TMEM108: variants seen among roughly 807,000 people sequenced by gnomAD.
TMEM108 encodes the protein transmembrane protein 108.
In TMEM108, 12 loss-of-function variants were observed where a neutral mutation model predicts 35.1. The observed-to-expected ratio is 0.34, with a 90% CI of 0.22 to 0.55. The LOEUF is 0.55. Among genes scored for constraint, TMEM108 ranks in the 20% least tolerant of loss-of-function variants. The pLI is 0.89. For missense variants in TMEM108, 680 were observed against 753.3 expected (o/e 0.90, Z 1.14); for synonymous variants, 287 against 308.6 (o/e 0.93, Z 0.73).
chr3:133,381,198 A>G, intron 4 of TMEM108, 37 bp downstream of exon 4: 2 of 1,539,804 alleles, frequency 1.3e-6, no homozygotes, highest in Non-Finnish European at 1.8e-6. Flanking sequence ...CTCTCCCTCT[A>G]CCACATCACT....
At chr3:133,245,212 C>T (rs1946368067) in intron 3 of TMEM108, among the ~76,000 whole-genome samples, 2 of 152,102 alleles carry the variant, frequency 1.3e-5, no homozygotes, top group Admixed American at 6.6e-5. Flanking sequence ...AGTGACTTAC[C>T]CAGGATCCAA....
chr3:133,177,883 G>A (rs1175784686), intron 2 of TMEM108, among the ~76,000 whole-genome samples: 5 of 152,136 alleles, frequency 3.3e-5, no homozygotes, highest in Admixed American at 3.3e-4. Context: ...GTCCCTGTTT[G>A]CAGATGACAT....
intron 3 of TMEM108, among the ~76,000 whole-genome samples, chr3:133,276,309 T>C (rs1576427536): frequency 6.6e-6 from 1 of 151,994 alleles, no homozygotes; most frequent in African/African-American, 2.4e-5. Flanking sequence ...GCCAAGGGAG[T>C]GTAAGGGAAG....
chr3:133,200,719 T>C (rs974102930), intron 2 of TMEM108, among the ~76,000 whole-genome samples: 1 of 152,212 alleles, frequency 6.6e-6, no homozygotes, highest in African/African-American at 2.4e-5. Flanking sequence ...TACACACTCA[T>C]TGTTTTTGTC....
intron 2 of TMEM108, among the ~76,000 whole-genome samples, chr3:133,206,675 C>T (rs1054364035): frequency 1.3e-5 from 2 of 152,204 alleles, no homozygotes; most frequent in Non-Finnish European, 2.9e-5. Flanking sequence ...CCTCTGGAAG[C>T]TTTGTCCCAG....
chr3:133,206,417 T>A (rs1433797208), intron 2 of TMEM108, among the ~76,000 whole-genome samples: 1 of 152,234 alleles, frequency 6.6e-6, no homozygotes, highest in Non-Finnish European at 1.5e-5. Flanking sequence ...TTGGGCAGGT[T>A]TTTCCTCATC....
intron 3 of TMEM108, among the ~76,000 whole-genome samples, chr3:133,289,472 C>G (rs1947031985): frequency 6.6e-6 from 1 of 152,184 alleles, no homozygotes; most frequent in African/African-American, 2.4e-5. Context: ...AACTACCATA[C>G]TAGCTCAAAT....
At chr3:133,377,664 G>A (rs534935507) in intron 3 of TMEM108, among the ~76,000 whole-genome samples, 3 of 152,316 alleles carry the variant, frequency 2.0e-5, no homozygotes, top group South Asian at 4.1e-4. Flanking sequence ...GGATTGACTC[G>A]AATACACAGA....
intron 3 of TMEM108, among the ~76,000 whole-genome samples, chr3:133,370,723 C>T (rs1240799429): frequency 6.6e-6 from 1 of 152,156 alleles, no homozygotes; most frequent in Non-Finnish European, 1.5e-5. Context: ...TTTGAGAGAA[C>T]ACTTTTCGTA....
At chr3:133,378,208 C>A (rs1047597937) in intron 3 of TMEM108, 2 of 393,204 alleles carry the variant, frequency 5.1e-6, no homozygotes, top group African/African-American at 2.2e-5. Context: ...CAGCCTCCCA[C>A]TCCCCACCAA....
intron 2 of TMEM108, among the ~76,000 whole-genome samples, chr3:133,169,748 A>G (rs1258418834): frequency 6.6e-6 from 1 of 152,186 alleles, no homozygotes; most frequent in Non-Finnish European, 1.5e-5. Flanking sequence ...AGAAGAATGT[A>G]TCTAGTTCTG....
At chr3:133,053,766 A>G (rs1055957424) in intron 2 of TMEM108, among the ~76,000 whole-genome samples, 6 of 152,176 alleles carry the variant, frequency 3.9e-5, no homozygotes, top group African/African-American at 1.4e-4. Flanking sequence ...GTCAGTCCAT[A>G]TTCTACTTTT....
At chr3:133,181,023 A>AAAAC (rs1468914570) in intron 2 of TMEM108, among the ~76,000 whole-genome samples, 1 of 141,852 alleles carries the variant, frequency 7.0e-6, no homozygotes, top group African/African-American at 3.0e-5. Context: ...AAAAAAAAAA[A>AAAAC]AAAAAAAAAA....
chr3:133,278,477 G>A (rs1946867559), intron 3 of TMEM108, among the ~76,000 whole-genome samples: 1 of 152,218 alleles, frequency 6.6e-6, no homozygotes, highest in Admixed American at 6.5e-5. Flanking sequence ...ACACCATTAT[G>A]TGAACATTGT....
At chr3:133,370,871 AGTGT>A (rs71624013) in intron 3 of TMEM108, among the ~76,000 whole-genome samples, 12,999 of 125,274 alleles carry the variant, frequency 0.1, 777 homozygotes, top group African/African-American at 0.17. Flanking sequence ...CCCAGCCCAT[AGTGT>A]GTGTGTGTGT....
At chr3:133,105,670 A>C (rs1037645728) in intron 2 of TMEM108, among the ~76,000 whole-genome samples, 1 of 152,078 alleles carries the variant, frequency 6.6e-6, no homozygotes, top group South Asian at 2.1e-4. Context: ...TGCCTGACAC[A>C]CTCTTACCCC....
intron 2 of TMEM108, among the ~76,000 whole-genome samples, chr3:133,187,425 C>T (rs897258976): frequency 6.6e-6 from 1 of 152,082 alleles, no homozygotes; most frequent in African/African-American, 2.4e-5. Context: ...CAGCCTGAGT[C>T]TCCAAGGCTG....
chr3:133,068,071 T>C (rs1943632665), intron 2 of TMEM108, among the ~76,000 whole-genome samples: 1 of 151,410 alleles, frequency 6.6e-6, no homozygotes, highest in Non-Finnish European at 1.5e-5. Flanking sequence ...ATCCCTGAGA[T>C]GTAACATTAA....
chr3:133,119,985 C>T (rs1944333103), intron 2 of TMEM108, among the ~76,000 whole-genome samples: 2 of 152,168 alleles, frequency 1.3e-5, no homozygotes, highest in Non-Finnish European at 2.9e-5. Context: ...TTAGAGAAGA[C>T]CTGCCTGTAA....
Sources: gnomAD v4.1 joint callset for allele counts (sites outside exome capture counted in the v4.1 genomes callset) on GRCh38, gnomAD v4.1.1 for gene constraint, MANE v1.5 for transcripts, NCBI Gene and HGNC (gene_info 2026-07-23, HGNC 2026-07-21) for gene names.